BCL11B: variants seen among roughly 807,000 people sequenced by gnomAD.
The protein encoded by BCL11B is B-cell lymphoma/leukemia 11B.
In BCL11B, 8 loss-of-function variants were observed where a neutral mutation model predicts 49.9. The ratio of observed to expected loss-of-function variants is 0.16; its 90% CI spans 0.09 to 0.29. BCL11B has a LOEUF of 0.29. Among genes scored for constraint, BCL11B ranks in the 10% least tolerant of loss-of-function variants. The pLI is 1.00. For missense variants in BCL11B, 1,006 were observed against 1,351.0 expected, an observed-to-expected ratio of 0.74 and a Z score of 4.00; for synonymous variants, 739 against 637.4, an observed-to-expected ratio of 1.16 and a Z score of -2.40.
Position 99,170,212 on chromosome 14 carries a change from A to G in BCL11B, c.*3939T>C. 1 of 221,464 alleles carries G rather than the reference A, an allele frequency of 4.5e-6. No individual in the cohort carries two copies. Among genetic ancestry groups the G allele is most frequent in the Non-Finnish European group, 9.1e-6 (1 of 110,406 alleles). 13.7% of individuals were successfully genotyped at this position (221,464 alleles called of 1,614,324 possible). On this transcript the variant is annotated 3_prime_UTR_variant, in exon 4 of 4. Coordinates refer to ENST00000357195, the MANE Select transcript of BCL11B (RefSeq NM_138576.4). ...CAGCCCCTGGATCTGCAGGTAGGAA[A>G]CTGCAGTAGGAAACTGAAATCTCAG...
At chr14:99,206,291 G>C (rs554436169) in intron 3 of BCL11B, among the ~76,000 whole-genome samples, 97 of 152,322 alleles carry the variant, frequency 6.4e-4, no homozygotes, top group African/African-American at 2.3e-3. Context: ...TTCATTAATA[G>C]TCCACGGGTA....
chr14:99,197,731 A>G (rs932832074), intron 3 of BCL11B, among the ~76,000 whole-genome samples: 1 of 152,208 alleles, frequency 6.6e-6, no homozygotes, highest in Non-Finnish European at 1.5e-5. Flanking sequence ...CCACAGCCAG[A>G]AACGAAGCAG....
Position 99,271,370 on chromosome 14 carries a change from T to C in BCL11B, c.-152A>G, listed in dbSNP as rs1311586050. ...CCTCTGCCCGGGTTGGTGTTTTTTT[T>C]CCCTTCCTCTCTTTCCCTCTCTTCC... On this transcript the variant is annotated 5_prime_UTR_variant, in exon 1 of 4. Coordinates refer to ENST00000357195, the MANE Select transcript of BCL11B (RefSeq NM_138576.4). 1.1e-5 allele frequency: 4 copies of C among 360,872 alleles called. No homozygotes were observed. The highest frequency in any genetic ancestry group is 4.7e-6 in the Non-Finnish European group (1 of 213,454). 22.4% of individuals were successfully genotyped at this position (360,872 alleles called of 1,614,324 possible).
chr14:99,207,844 G>A (rs1887577341), intron 3 of BCL11B, among the ~76,000 whole-genome samples: 1 of 152,180 alleles, frequency 6.6e-6, no homozygotes, highest in African/African-American at 2.4e-5. Flanking sequence ...GCCAACAACA[G>A]CAGCCCTGAG....
intron 3 of BCL11B, among the ~76,000 whole-genome samples, chr14:99,225,260 TC>T (rs1888126424): frequency 6.6e-6 from 1 of 152,334 alleles, no homozygotes; most frequent in Admixed American, 6.5e-5. Flanking sequence ...ATCCCCACTC[TC>T]TGCCTTGGTT....
chr14:99,224,793 A>G (rs998480352), intron 3 of BCL11B, among the ~76,000 whole-genome samples: 5 of 152,172 alleles, frequency 3.3e-5, no homozygotes, highest in South Asian at 2.1e-4. Flanking sequence ...CTGGGATCAC[A>G]TACTCACTCC....
At chr14:99,209,689 G>A (rs182976810) in intron 3 of BCL11B, among the ~76,000 whole-genome samples, 2 of 152,262 alleles carry the variant, frequency 1.3e-5, no homozygotes, top group African/African-American at 2.4e-5. Context: ...GGCTGAGGGT[G>A]GGGGAAGAAG....
rs1159901628 is a variant in BCL11B, at chr14:99,174,977, C to A, written c.1859G>T (p.Arg620Leu). The change falls in exon 4 of 4, where the codon CGC becomes CTC. Residue 620 changes from arginine (R) to leucine (L), a missense_variant. Physicochemically the swap from Arg to Leu is moderately radical, Grantham distance 102. Coordinates refer to ENST00000357195, the MANE Select transcript of BCL11B (RefSeq NM_138576.4). ...CGCCGCACGCTTCAGGAAGGCGCCG[C>A]GCTTCTGCTTGTCGGCCAGGAGCTC... ...YGELLADKQKRGAFLKRAAGG... is the reference protein window; with the variant it reads ...YGELLADKQKLGAFLKRAAGG... 1 of 1,566,310 alleles carries A rather than the reference C, an allele frequency of 6.4e-7. No individual in the cohort carries two copies. The highest frequency in any genetic ancestry group is 1.7e-5 in the Admixed American group (1 of 58,004).
chr14:99,190,908 G>GT (rs899753781), intron 3 of BCL11B, among the ~76,000 whole-genome samples: 3 of 20,244 alleles, frequency 1.5e-4, no homozygotes, highest in African/African-American at 6.6e-4. Context: ...TCGGCCACAC[G>GT]GGGGGGGTCA....
At position 99,247,567 on chromosome 14, in the gene BCL11B, A is replaced by C. The variant is rs1038926590; in HGVS notation, c.427+9904T>G. Among the ~76,000 whole-genome samples, 1 of 152,184 alleles carries C rather than the reference A, an allele frequency of 6.6e-6. No homozygotes were observed. Among genetic ancestry groups the C allele is most frequent in the Non-Finnish European group, 1.5e-5 (1 of 68,042 alleles). Reference sequence around the variant, plus strand: ...TGGTTGGCTGGCTACACTCTCCAGGAGGTGTGCTCTACCCTGAAAAAGGCT... The same window carrying C: ...TGGTTGGCTGGCTACACTCTCCAGGCGGTGTGCTCTACCCTGAAAAAGGCT... On this transcript the variant is annotated intron_variant, in intron 2 of 3. Transcript: ENST00000357195. The surrounding 1 kb of genome is among the most constrained non-coding windows in gnomAD (Gnocchi z 4.5).
chr14:99,229,238 TA>T (rs1326940379), intron 3 of BCL11B, among the ~76,000 whole-genome samples: 1 of 152,106 alleles, frequency 6.6e-6, no homozygotes, highest in African/African-American at 2.4e-5. Context: ...AATAAAGTAT[TA>T]GGGTTGCTGT....
chr14:99,211,760 C>T (rs906543761), intron 3 of BCL11B, among the ~76,000 whole-genome samples: 6 of 152,148 alleles, frequency 3.9e-5, no homozygotes, highest in African/African-American at 1.2e-4. Context: ...CACCAAACTC[C>T]GCCCTGCCCT....
At chr14:99,204,031 C>G (rs1345782885) in intron 3 of BCL11B, among the ~76,000 whole-genome samples, 3 of 152,190 alleles carry the variant, frequency 2.0e-5, no homozygotes, top group East Asian at 1.9e-4. Flanking sequence ...GGTCTTCCAG[C>G]CACTGCCCCC....
chr14:99,218,232 A>ATTTTTTT (rs34932370), intron 3 of BCL11B, among the ~76,000 whole-genome samples: 11 of 112,884 alleles, frequency 9.7e-5, no homozygotes, highest in East Asian at 2.6e-4. Context: ...TGCCTGGCTA[A>ATTTTTTT]TTTTTTTTTT....
intron 3 of BCL11B, among the ~76,000 whole-genome samples, chr14:99,193,239 T>C (rs2139802109): frequency 6.6e-6 from 1 of 152,366 alleles, no homozygotes; most frequent in Non-Finnish European, 1.5e-5. Flanking sequence ...TCTCCCTATG[T>C]TGTTTACAAA....
At chr14:99,236,520 T>C (rs1337358003) in intron 2 of BCL11B, among the ~76,000 whole-genome samples, 3 of 152,190 alleles carry the variant, frequency 2.0e-5, no homozygotes, top group African/African-American at 7.2e-5. Flanking sequence ...GATTCAGGCC[T>C]GCCTGTTCTG....
chr14:99,208,752 G>A (rs182006802), intron 3 of BCL11B, among the ~76,000 whole-genome samples: 4 of 152,330 alleles, frequency 2.6e-5, no homozygotes, highest in East Asian at 1.9e-4. Flanking sequence ...CCGAGTCTGC[G>A]CAAAGGAGTG....
At chr14:99,209,925 A>G (rs1026075251) in intron 3 of BCL11B, among the ~76,000 whole-genome samples, 1 of 152,144 alleles carries the variant, frequency 6.6e-6, no homozygotes, top group Admixed American at 6.6e-5. Flanking sequence ...CCTCCAGCTA[A>G]GTCCCCTGAA....
At chr14:99,245,818 G>A (rs1002678657) in intron 2 of BCL11B, among the ~76,000 whole-genome samples, 2 of 152,146 alleles carry the variant, frequency 1.3e-5, no homozygotes, top group Admixed American at 6.5e-5. Flanking sequence ...AGGGGCCCGG[G>A]GCCGGCAGGC....
Sources: allele counts gnomAD v4.1 joint callset (sites outside exome capture counted in the v4.1 genomes callset), GRCh38; gene constraint gnomAD v4.1.1; non-coding constraint Gnocchi (gnomAD v3.1); transcripts MANE v1.5; gene names NCBI Gene and HGNC (gene_info 2026-07-23, HGNC 2026-07-21).